Variants in LRP1B observed in about 807,000 individuals in gnomAD.
The protein encoded by LRP1B is low-density lipoprotein receptor-related protein 1B.
In LRP1B, 217 loss-of-function variants were observed where a neutral mutation model predicts 556.6. The observed-to-expected ratio is 0.39, with a 90% CI of 0.35 to 0.44. LRP1B has a LOEUF of 0.44. Among genes scored for constraint, LRP1B ranks in the 20% least tolerant of loss-of-function variants. The probability of loss-of-function intolerance (pLI) is 1.00; values close to 1 mark genes in which losing one functional copy is unlikely to be tolerated. For synonymous variants in LRP1B, 2,047 were observed against 1,865.8 expected, an observed-to-expected ratio of 1.10 and a Z score of -2.50; for missense variants, 5,053 against 5,620.8, an observed-to-expected ratio of 0.90 and a Z score of 3.23.
intron 63 of LRP1B, among the ~76,000 whole-genome samples, chr2:140,446,185 T>C (rs1686652533): frequency 6.6e-6 from 1 of 152,138 alleles, no homozygotes. Context: ...CTATTTCATT[T>C]TGCTTTGTAT....
intron 3 of LRP1B, among the ~76,000 whole-genome samples, chr2:141,447,491 T>C (rs1681240271): frequency 6.6e-6 from 1 of 152,078 alleles, no homozygotes; most frequent in Admixed American, 6.6e-5. Flanking sequence ...AGAAGAGGCG[T>C]TCCAGTTTTT....
At chr2:140,293,442 G>A (rs890330583) in intron 84 of LRP1B, among the ~76,000 whole-genome samples, 3 of 152,054 alleles carry the variant, frequency 2.0e-5, no homozygotes, top group Admixed American at 6.6e-5. Context: ...TCTCCTCCCT[G>A]GGCTGCTGCT....
Position 140,504,166 on chromosome 2 carries a change from A to G in LRP1B, c.8522-1063T>C, listed in dbSNP as rs1689310391. Among the ~76,000 whole-genome samples the G allele has an allele frequency of 3.3e-5, 5 of 152,066 alleles. No individual in the cohort carries two copies. The South Asian group carries it at 1.0e-3, about 31-fold the overall frequency. The stretch of plus-strand genomic sequence containing the variant: ...TGCAGTTCATCTCTGATCAATCAAC[A>G]TTTCATTTCTCTGACCTCTATCTTC... On this transcript the variant is annotated intron_variant, in intron 53 of 90. Transcript: ENST00000389484.
At chr2:141,469,083 T>A (rs1682356115) in intron 3 of LRP1B, among the ~76,000 whole-genome samples, 1 of 152,210 alleles carries the variant, frequency 6.6e-6, no homozygotes, top group Non-Finnish European at 1.5e-5. Context: ...AGAACACAAA[T>A]TCTCAGCTAA....
chr2:140,524,406 A>T (rs943834237), intron 49 of LRP1B, among the ~76,000 whole-genome samples: 9 of 152,006 alleles, frequency 5.9e-5, no homozygotes, highest in Non-Finnish European at 1.3e-4. Flanking sequence ...TGTGAAAAGT[A>T]GTTTGGAGAT....
chr2:140,834,350 C>T (rs1269710916), intron 31 of LRP1B, among the ~76,000 whole-genome samples: 4 of 152,286 alleles, frequency 2.6e-5, no homozygotes, highest in East Asian at 1.9e-4. Flanking sequence ...AGCGATCCTC[C>T]TGCCTCAGCC....
chr2:141,998,981 T>C (rs1236648234), intron 1 of LRP1B, among the ~76,000 whole-genome samples: 1 of 152,170 alleles, frequency 6.6e-6, no homozygotes, highest in Non-Finnish European at 1.5e-5. Flanking sequence ...TTCTACAGAA[T>C]GTAAATATTC....
intron 2 of LRP1B, among the ~76,000 whole-genome samples, chr2:141,790,230 T>A (rs1436542570): frequency 6.6e-6 from 1 of 151,846 alleles, no homozygotes; most frequent in Non-Finnish European, 1.5e-5. Context: ...CCAGTAGAGG[T>A]TCAGTTACTT....
chr2:141,026,998 C>A (rs1324036405), intron 11 of LRP1B, among the ~76,000 whole-genome samples: 2 of 151,892 alleles, frequency 1.3e-5, no homozygotes, highest in African/African-American at 4.8e-5. Flanking sequence ...AATGTGCCTA[C>A]CCTGCTTTGT....
At chr2:141,338,439 A>T (rs1003154222) in intron 3 of LRP1B, among the ~76,000 whole-genome samples, 1 of 152,122 alleles carries the variant, frequency 6.6e-6, no homozygotes, top group Non-Finnish European at 1.5e-5. Context: ...TGCTGCATTG[A>T]GGTCAGGTCA....
At chr2:141,748,060 C>T (rs1044712417) in intron 2 of LRP1B, among the ~76,000 whole-genome samples, 2 of 152,166 alleles carry the variant, frequency 1.3e-5, no homozygotes, top group African/African-American at 4.8e-5. Flanking sequence ...GGATGCACAA[C>T]ATAGTCCAGT....
chr2:140,361,111 C>T (rs990344267), intron 72 of LRP1B, among the ~76,000 whole-genome samples: 1 of 150,812 alleles, frequency 6.6e-6, no homozygotes, highest in Non-Finnish European at 1.5e-5. Flanking sequence ...TTGGATACTG[C>T]TCTAAGTACT....
chr2:140,953,330 C>A (rs1482614170), intron 18 of LRP1B, among the ~76,000 whole-genome samples: 1 of 152,114 alleles, frequency 6.6e-6, no homozygotes, highest in Non-Finnish European at 1.5e-5. Context: ...ACCTTGTGAT[C>A]CACATGCCTC....
At chr2:141,810,056 CACAA>C (rs1309852409) in intron 2 of LRP1B, among the ~76,000 whole-genome samples, 1 of 138,782 alleles carries the variant, frequency 7.2e-6, no homozygotes, top group Non-Finnish European at 1.6e-5. Context: ...TAAAAAAAAA[CACAA>C]ACAAAAGGTT....
At chr2:140,502,743 G>A (rs1462533873) in intron 54 of LRP1B, among the ~76,000 whole-genome samples, 4 of 151,996 alleles carry the variant, frequency 2.6e-5, no homozygotes, top group Admixed American at 2.0e-4. Context: ...GAATTCAGCA[G>A]TACCACTGCC....
At chr2:141,745,398 C>A (rs1010376254) in intron 2 of LRP1B, among the ~76,000 whole-genome samples, 19 of 152,164 alleles carry the variant, frequency 1.2e-4, no homozygotes, top group African/African-American at 4.1e-4. Context: ...CTACAAGATG[C>A]AGTCCTTCCT....
At chr2:141,936,078 CAG>C (rs1330150216) in intron 1 of LRP1B, among the ~76,000 whole-genome samples, 4 of 152,074 alleles carry the variant, frequency 2.6e-5, no homozygotes, top group Admixed American at 2.6e-4. Flanking sequence ...TTTCTCTAAA[CAG>C]ATAAAATTAC....
In LRP1B at chr2:141,320,030, A is replaced by G. The variant is rs1164520988; in HGVS notation, c.344-65389T>C. 7.9e-5 allele frequency among the ~76,000 whole-genome samples: 12 copies of G among 152,130 alleles called. No homozygotes were observed. The East Asian group carries it at 2.3e-3, about 29-fold the overall frequency. ...TTGATTCTGATTCAGTAGATTTGGCATGGAGCCTGAAATACTACATTATTA... is the reference window on the plus strand; with the variant it reads ...TTGATTCTGATTCAGTAGATTTGGCGTGGAGCCTGAAATACTACATTATTA... On this transcript the variant is annotated intron_variant, in intron 3 of 90. Coordinates refer to ENST00000389484, the MANE Select transcript of LRP1B (RefSeq NM_018557.3).
chr2:141,582,827 CTTTTTTTTT>C lies in LRP1B; in HGVS notation c.206-102303_206-102295del, dbSNP rs869158175. On this transcript the variant is annotated intron_variant, in intron 2 of 90. Coordinates refer to ENST00000389484, the MANE Select transcript of LRP1B (RefSeq NM_018557.3). ...GAAATCTTGATAATAACCTATTAAA[CTTTTTTTTT>C]TTTTTTTTTTTTTTTTTGAGACGGA... is the stretch of plus-strand genomic sequence containing the variant. Among the ~76,000 whole-genome samples the C allele has an allele frequency of 1.3e-4, 9 of 71,750 alleles. No individual in the cohort carries two copies. In the Admixed American group the frequency reaches 2.2e-3, roughly 17 times the overall value. The allele number at this position is 71,750 out of a possible 152,430, so 47.1% of individuals were successfully genotyped here. A position where few individuals can be genotyped will look rare whatever the true frequency, so the allele number is the denominator to read the frequency against.
Sources: allele counts gnomAD v4.1 joint callset (sites outside exome capture counted in the v4.1 genomes callset), GRCh38; gene constraint gnomAD v4.1.1; transcripts MANE v1.5; gene names NCBI Gene and HGNC (gene_info 2026-07-23, HGNC 2026-07-21).